The following MARK2 variants were observed in gnomAD, a reference collection of about 807,000 sequenced individuals.
The protein encoded by MARK2 is serine/threonine-protein kinase MARK2.
A neutral mutation model predicts 89.8 loss-of-function variants in MARK2; 16 were observed. The observed-to-expected ratio is 0.18, with a 90% CI of 0.12 to 0.27. MARK2 has a LOEUF of 0.27. Among genes scored for constraint, MARK2 ranks in the 10% least tolerant of loss-of-function variants. The pLI is 1.00. For synonymous variants in MARK2, 382 were observed against 399.5 expected (o/e 0.96, Z 0.52); for missense variants, 621 against 1,049.9 (o/e 0.59, Z 5.65).
At chr11:63,887,344 C>T (rs764121449) in intron 1 of MARK2, among the ~76,000 whole-genome samples, 3 of 152,220 alleles carry the variant, frequency 2.0e-5, no homozygotes, top group Non-Finnish European at 2.9e-5. Flanking sequence ...GGGCAAGTCT[C>T]ATAACCTCTG....
intron 1 of MARK2, among the ~76,000 whole-genome samples, chr11:63,892,972 G>A (rs1292005307): frequency 6.1e-5 from 9 of 146,806 alleles, no homozygotes; most frequent in African/African-American, 2.3e-4. Context: ...GCAGTGGTGC[G>A]ATCTCAGCTC....
chr11:63,888,190 G>A (rs906198204), intron 1 of MARK2, among the ~76,000 whole-genome samples: 2 of 152,046 alleles, frequency 1.3e-5, no homozygotes, highest in African/African-American at 2.4e-5. Flanking sequence ...TAGGAGGTCC[G>A]TCCGCCACTG....
intron 17 of MARK2, among the ~76,000 whole-genome samples, chr11:63,906,509 GT>G (rs1478069704): frequency 7.7e-6 from 1 of 130,140 alleles, no homozygotes; most frequent in African/African-American, 2.9e-5. Context: ...CTCACCCCAG[GT>G]TTTGGTCACA....
At chr11:63,905,093 C>A in intron 16 of MARK2, 50 bp downstream of exon 16, 4 of 494,260 alleles carry the variant, frequency 8.1e-6, no homozygotes, top group Non-Finnish European at 1.2e-5. Context: ...GGCCTTCCTG[C>A]TTTACTCGGG....
rs920369898 is a variant in MARK2, at chr11:63,902,556, G to A, written c.1235-45G>A. 2 of 1,570,344 alleles carry A rather than the reference G, an allele frequency of 1.3e-6. No individual in the cohort carries two copies. Among genetic ancestry groups the A allele is most frequent in the Non-Finnish European group, 1.7e-6 (2 of 1,146,864 alleles). ...TGAGCATGCGTGGGGCTGGCACTCA[G>A]TGGACCCCTTGGCCTTACCCATTCC... On this transcript the variant is annotated intron_variant, in intron 12 of 18. Transcript: ENST00000402010. This position sits in a 1 kb window ranked among gnomAD's most constrained non-coding sequence, Gnocchi z 4.2.
In MARK2 at chr11:63,879,786, C is replaced by T. The variant is rs573810366; in HGVS notation, c.55-15373C>T. On this transcript the variant is annotated intron_variant, in intron 1 of 18. Coordinates refer to ENST00000402010, the MANE Select transcript of MARK2 (RefSeq NM_001039469.3). ...GGGGTGGTTTCTGATGTGCTCTGACCTCTGGCCATGGTGACTTCTGGAGCA... is the reference window on the plus strand; with the variant it reads ...GGGGTGGTTTCTGATGTGCTCTGACTTCTGGCCATGGTGACTTCTGGAGCA... 3.7e-4 allele frequency among the ~76,000 whole-genome samples: 56 copies of T among 152,170 alleles called. No individual in the cohort carries two copies. The Middle Eastern group carries it at 0.017, about 46-fold the overall frequency.
At chr11:63,857,743 T>C (rs2016936872) in intron 1 of MARK2, among the ~76,000 whole-genome samples, 1 of 152,236 alleles carries the variant, frequency 6.6e-6, no homozygotes. Context: ...TTCAGTTATT[T>C]TTCAAAATGC....
At chr11:63,908,192 C>G in intron 17 of MARK2, 68 bp from the exon 18 acceptor site, 1 of 1,414,338 alleles carries the variant, frequency 7.1e-7, no homozygotes, top group Non-Finnish European at 9.8e-7. Context: ...CCACTCTCAT[C>G]TGGGTCTGTG....
At chr11:63,888,660 G>A (rs1410811854) in intron 1 of MARK2, 7 of 1,173,550 alleles carry the variant, frequency 6.0e-6, no homozygotes, top group Admixed American at 3.8e-5. Flanking sequence ...AAGCCAGCGG[G>A]GCTTTGTCCC....
intron 6 of MARK2, 74 bp from the exon 7 acceptor site, chr11:63,898,978 A>AG: frequency 8.0e-7 from 1 of 1,257,640 alleles, no homozygotes; most frequent in Admixed American, 1.7e-5. Flanking sequence ...ACTAAGTCAC[A>AG]GGGTCACTGC....
intron 1 of MARK2, among the ~76,000 whole-genome samples, chr11:63,889,355 G>A (rs1939643299): frequency 6.6e-6 from 1 of 152,234 alleles, no homozygotes; most frequent in South Asian, 2.1e-4. Flanking sequence ...TCTGGCCAGG[G>A]AATATCACCC....
At position 63,891,507 on chromosome 11, in the gene MARK2, T is replaced by C. The variant is rs570713448; in HGVS notation, c.55-3652T>C. On this transcript the variant is annotated intron_variant, in intron 1 of 18. Coordinates refer to ENST00000402010, the MANE Select transcript of MARK2 (RefSeq NM_001039469.3). ...CCAAGAGGGATGGGCAGAGCAGAGC[T>C]CAGGATGGGCATGGGATGCCCAGAT... 2.6e-5 allele frequency among the ~76,000 whole-genome samples: 4 copies of C among 152,190 alleles called. No individual in the cohort carries two copies. In the South Asian group the frequency reaches 8.3e-4, roughly 32 times the overall value.
Position 63,909,009 on chromosome 11 carries a change from G to C in MARK2, c.2139G>C (p.Glu713Asp). 6.3e-7 allele frequency: 1 copy of C among 1,586,000 alleles called. No individual in the cohort carries two copies. The highest frequency in any genetic ancestry group is 8.6e-7 in the Non-Finnish European group (1 of 1,157,192). Reference protein sequence around the residue: ...SSMEPNEMMREIRKVLDANSC... With the variant: ...SSMEPNEMMRDIRKVLDANSC... ...TGGAGCCCAACGAGATGATGCGGGA[G>C]ATCCGCAAGGTGCTGGACGCGAACA... Residue 713 changes from glutamate to aspartate, a missense_variant, in exon 19 of 19, where the codon GAG (glutamate) becomes GAC (aspartate). Physicochemically the swap from Glu to Asp is conservative, Grantham distance 45 (BLOSUM62 2). Around this residue, in one of 5 missense-constraint regions of MARK2, gnomAD observed 49 missense variants for 46.7 expected, o/e 1.05. Transcript: ENST00000402010.
chr11:63,848,688 C>G (rs2016405017), intron 1 of MARK2, among the ~76,000 whole-genome samples: 1 of 151,678 alleles, frequency 6.6e-6, no homozygotes, highest in Non-Finnish European at 1.5e-5. Flanking sequence ...GTAGCTGGGA[C>G]TTCAGGCGCC....
intron 1 of MARK2, among the ~76,000 whole-genome samples, chr11:63,842,437 A>G (rs888241605): frequency 6.6e-6 from 1 of 151,900 alleles, no homozygotes; most frequent in African/African-American, 2.4e-5. Context: ...GGATGGTCTC[A>G]GTCTCCTGTC....
intron 1 of MARK2, among the ~76,000 whole-genome samples, chr11:63,855,471 G>A (rs1245644859): frequency 6.6e-6 from 1 of 151,252 alleles, no homozygotes; most frequent in Middle Eastern, 3.2e-3. Flanking sequence ...GTAGTAAGTT[G>A]TGATTGTGCC....
At chr11:63,840,387 G>A (rs2015949115) in intron 1 of MARK2, among the ~76,000 whole-genome samples, 1 of 152,066 alleles carries the variant, frequency 6.6e-6, no homozygotes, top group African/African-American at 2.4e-5. Flanking sequence ...AGGTCCCTGG[G>A]CCTCTTGTTT....
Position 63,839,520 on chromosome 11 carries a change from G to T in MARK2, c.14G>T (p.Arg5Leu). The change falls in exon 1 of 19, where the codon CGG becomes CTG. Residue 5 changes from arginine to leucine, a missense_variant. Arg to Leu is a moderately radical substitution (Grantham distance 102). Coordinates refer to ENST00000402010, the MANE Select transcript of MARK2 (RefSeq NM_001039469.3). ...GATACCGGCGCCATGTCCAGCGCTC[G>T]GACCCCCCTACCCACGCTGAACGAG... MSSA[R>L]TPLPTLNERD... The T allele has an allele frequency of 6.5e-7, 1 of 1,531,904 alleles. No individual in the cohort carries two copies. The allele number at this position is 1,531,904 out of a possible 1,614,324, so 94.9% of individuals were successfully genotyped here.
At chr11:63,874,106 C>A (rs1044272613) in intron 1 of MARK2, among the ~76,000 whole-genome samples, 2 of 152,206 alleles carry the variant, frequency 1.3e-5, no homozygotes, top group Non-Finnish European at 2.9e-5. Context: ...GACCACCTTT[C>A]CCTCTTCCTT....
Sources: gnomAD v4.1 joint callset for allele counts (sites outside exome capture counted in the v4.1 genomes callset) on GRCh38, gnomAD v4.1.1 for gene constraint, gnomAD v4.1.1 regional missense constraint, Gnocchi (gnomAD v3.1) non-coding constraint, MANE v1.5 for transcripts, NCBI Gene and HGNC (gene_info 2026-07-23, HGNC 2026-07-21) for gene names.